The following BIRC6 variants were observed in gnomAD, a reference collection of about 807,000 sequenced individuals.
The protein encoded by BIRC6 is baculoviral IAP repeat containing 6.
BIRC6 carries 98 observed loss-of-function variants against 503.3 expected under a neutral mutation model. That is an observed-to-expected ratio of 0.19 (90% CI 0.17 to 0.23). The LOEUF is 0.23. Ranked by LOEUF, BIRC6 falls within the 10% of genes least tolerant of loss-of-function variation. The pLI is 1.00. For missense variants in BIRC6, 5,360 were observed against 5,806.0 expected (o/e 0.92, Z 2.50); for synonymous variants, 2,240 against 2,078.7 (o/e 1.08, Z -2.11).
At chr2:32,529,581 C>A in intron 59 of BIRC6, 70 bp from the exon 60 acceptor site, 1 of 1,313,680 alleles carries the variant, frequency 7.6e-7, no homozygotes, top group Non-Finnish European at 1.0e-6. Flanking sequence ...TTAGTAAAAG[C>A]AGATAATAAT....
At chr2:32,443,074 CTAT>C (rs2045595662) in intron 19 of BIRC6, among the ~76,000 whole-genome samples, 1 of 152,146 alleles carries the variant, frequency 6.6e-6, no homozygotes, top group Admixed American at 6.5e-5. Context: ...TAATAATATA[CTAT>C]GATAAAAGTT....
chr2:32,425,335 G>T (rs1053998579), intron 10 of BIRC6, among the ~76,000 whole-genome samples: 1 of 150,440 alleles, frequency 6.6e-6, no homozygotes, highest in Non-Finnish European at 1.5e-5. Context: ...TTTGTCCATT[G>T]TTCCCTTTAG....
intron 35 of BIRC6, 63 bp downstream of exon 35, chr2:32,477,646 C>A: frequency 7.5e-7 from 1 of 1,331,096 alleles, no homozygotes; most frequent in South Asian, 1.3e-5. Flanking sequence ...TGCCTGTAAT[C>A]CCAGCACTTT....
Position 32,535,186 on chromosome 2 carries a change from A to G in BIRC6, c.12291+3635A>G, listed in dbSNP as rs79014210. ...AAAAAAAAAAAAAAAAGCTAAGACAATGAGAGAATATAAAAACCAGCTATA... is the reference window on the plus strand; with the variant it reads ...AAAAAAAAAAAAAAAAGCTAAGACAGTGAGAGAATATAAAAACCAGCTATA... On this transcript the variant is annotated intron_variant, in intron 61 of 73. Transcript: ENST00000421745. Among the ~76,000 whole-genome samples the G allele has an allele frequency of 2.2e-3, 331 of 149,954 alleles. 2 individuals are homozygous for G. The highest frequency in any genetic ancestry group is 7.6e-3 in the African/African-American group (311 of 40,666).
chr2:32,423,955 G>A (rs905747106), intron 10 of BIRC6, among the ~76,000 whole-genome samples: 3 of 152,132 alleles, frequency 2.0e-5, no homozygotes, highest in African/African-American at 7.2e-5. Flanking sequence ...TTGTGTTCAA[G>A]TAACCATTTT....
chr2:32,359,549 T>G (rs1410999389), intron 1 of BIRC6, among the ~76,000 whole-genome samples: 1 of 152,222 alleles, frequency 6.6e-6, no homozygotes, highest in Non-Finnish European at 1.5e-5. Context: ...ATCTGTTGAT[T>G]AGAAGAGTTC....
intron 59 of BIRC6, among the ~76,000 whole-genome samples, chr2:32,526,006 A>C (rs966823184): frequency 6.6e-6 from 1 of 152,172 alleles, no homozygotes; most frequent in Non-Finnish European, 1.5e-5. Context: ...TAGTTAAGCC[A>C]TATGTTCTTC....
intron 1 of BIRC6, among the ~76,000 whole-genome samples, chr2:32,370,475 A>G (rs1330798703): frequency 6.6e-6 from 1 of 152,096 alleles, no homozygotes; most frequent in Non-Finnish European, 1.5e-5. Context: ...ATTGTGTTTT[A>G]TGTTGTATTT....
intron 63 of BIRC6, among the ~76,000 whole-genome samples, chr2:32,546,319 C>T (rs2058049726): frequency 6.6e-6 from 1 of 152,132 alleles, no homozygotes; most frequent in South Asian, 2.1e-4. Flanking sequence ...GTGGCTCATG[C>T]CTGTAATCCC....
intron 15 of BIRC6, among the ~76,000 whole-genome samples, chr2:32,438,167 A>G (rs1472475914): frequency 2.6e-5 from 4 of 152,230 alleles, no homozygotes; most frequent in South Asian, 4.1e-4. Flanking sequence ...TTCTTAGAAT[A>G]TACTAAGATA....
intron 60 of BIRC6, 142 bp downstream of exon 60, chr2:32,529,966 T>A: frequency 2.0e-6 from 1 of 499,248 alleles, no homozygotes; most frequent in Non-Finnish European, 3.2e-6. Flanking sequence ...TTTGTAAATA[T>A]AAAAAATGGC....
At chr2:32,507,131 G>T (rs932095441) in intron 50 of BIRC6, among the ~76,000 whole-genome samples, 2 of 152,034 alleles carry the variant, frequency 1.3e-5, no homozygotes, top group African/African-American at 4.8e-5. Context: ...TGGATATTTG[G>T]TTTAATTTGA....
intron 69 of BIRC6, 66 bp from the exon 70 acceptor site, chr2:32,599,673 G>T: frequency 6.7e-7 from 1 of 1,488,986 alleles, no homozygotes; most frequent in East Asian, 2.3e-5. Context: ...ATGTTGGATT[G>T]TATTTTTCTA....
In BIRC6 at chr2:32,433,941, A is replaced by G. The variant is rs1193561602; in HGVS notation, c.3409+137A>G. 7.0e-6 allele frequency: 5 copies of G among 710,562 alleles called. No homozygotes were observed. In the African/African-American group the frequency reaches 8.8e-5, roughly 13 times the overall value. The allele number at this position is 710,562 out of a possible 1,614,324, so 44.0% of individuals were successfully genotyped here. ...TGCCTGCTTTACTTTTTGTGATTTT[A>G]TTTAAAAAAGTAATTCAGAGAACAT... On this transcript the variant is annotated intron_variant, in intron 13 of 73. Transcript: ENST00000421745.
intron 61 of BIRC6, among the ~76,000 whole-genome samples, chr2:32,541,240 A>G (rs1285063283): frequency 1.3e-5 from 2 of 152,046 alleles, no homozygotes; most frequent in Non-Finnish European, 2.9e-5. Context: ...TTTGCCTATA[A>G]AGGGTTTCAA....
Position 32,490,195 on chromosome 2 carries a change from T to C in BIRC6, c.8206+44T>C, listed in dbSNP as rs767120076. On this transcript the variant is annotated intron_variant, in intron 43 of 73. Transcript: ENST00000421745. ...TCATTTAAATCTCTGACATATACTT[T>C]AGTGTTCTACTATTGGATTCTTAAA... The C allele has an allele frequency of 6.9e-6, 10 of 1,443,206 alleles. No homozygotes were observed. The South Asian group carries it at 9.2e-5, about 13-fold the overall frequency. The allele number at this position is 1,443,206 out of a possible 1,614,324, so 89.4% of individuals were successfully genotyped here.
Position 32,562,523 on chromosome 2 carries a change from G to A in BIRC6, c.13145-12633G>A, listed in dbSNP as rs188127101. On this transcript the variant is annotated intron_variant, in intron 65 of 73. Transcript: ENST00000421745. ...CAGTTGTGTGGGTTTTGACAAATGC[G>A]CAATTTTATGTATTCCACCATGACA... 9.9e-4 allele frequency among the ~76,000 whole-genome samples: 150 copies of A among 152,214 alleles called. 2 individuals are homozygous for A. In the East Asian group the frequency reaches 0.016, roughly 16 times the overall value.
intron 39 of BIRC6, among the ~76,000 whole-genome samples, chr2:32,483,756 A>G (rs1013032680): frequency 1.4e-4 from 22 of 152,206 alleles, no homozygotes; most frequent in Non-Finnish European, 1.5e-4. Context: ...TTCCTTGTGA[A>G]TAGAATATTG....
intron 60 of BIRC6, 121 bp from the exon 61 acceptor site, chr2:32,531,234 T>G: frequency 1.3e-6 from 1 of 771,860 alleles, no homozygotes; most frequent in South Asian, 2.1e-5. Context: ...TCTAAATAAA[T>G]GATGTTTTGT....
Sources: allele counts gnomAD v4.1 joint callset (sites outside exome capture counted in the v4.1 genomes callset), GRCh38; gene constraint gnomAD v4.1.1; transcripts MANE v1.5; gene names NCBI Gene and HGNC (gene_info 2026-07-23, HGNC 2026-07-21).